SLC12A5: variants seen among roughly 807,000 people sequenced by gnomAD.
SLC12A5 encodes the protein K-Cl cotransporter 2.
A neutral mutation model predicts 124.0 loss-of-function variants in SLC12A5; 18 were observed. That is an observed-to-expected ratio of 0.15 (90% CI 0.10 to 0.22). The LOEUF is 0.22. SLC12A5 is among the 10% of genes least tolerant of loss of function. The probability of loss-of-function intolerance (pLI) is 1.00; values close to 1 mark genes in which losing one functional copy is unlikely to be tolerated. For missense variants in SLC12A5, 867 were observed against 1,478.7 expected (o/e 0.59, Z 6.78); for synonymous variants, 589 against 568.0 (o/e 1.04, Z -0.53).
In SLC12A5 at chr20:46,043,966, G is replaced by T. The variant is rs181152183; in HGVS notation, c.1394+33G>T. The T allele has an allele frequency of 5.7e-5, 88 of 1,556,840 alleles. No homozygotes were observed. In the African/African-American group the frequency reaches 1.0e-3, roughly 18 times the overall value. ...AATTGGGGTTGATCCTATTCTGGGG[G>T]AGGGGTGGGTATAGAAGGCTGAGTT... On this transcript the variant is annotated intron_variant, in intron 11 of 25. Transcript: ENST00000243964.
intron 1 of SLC12A5, chr20:46,022,156 A>T (rs1357311078): frequency 8.5e-4 from 154 of 180,740 alleles, no homozygotes; most frequent in East Asian, 2.1e-3. Flanking sequence ...ACGGAGGCGA[A>T]GGGGGCGGGT....
At chr20:46,030,723 C>T (rs534361739) in intron 1 of SLC12A5, among the ~76,000 whole-genome samples, 128 of 152,264 alleles carry the variant, frequency 8.4e-4, no homozygotes, top group Admixed American at 3.9e-3. Flanking sequence ...CTCTGAGGTC[C>T]TCCGGATCCT....
At chr20:46,037,146 C>T (rs6094244) in intron 5 of SLC12A5, 109 bp from the exon 6 acceptor site, 1 of 1,452,572 alleles carries the variant, frequency 6.9e-7, no homozygotes, top group South Asian at 1.4e-5. Flanking sequence ...GCCCATAAGC[C>T]TGTGAGGCCT....
At position 46,045,741 on chromosome 20, in the gene SLC12A5, G is replaced by A. The variant is rs543625461; in HGVS notation, c.1570-137G>A. ...TGTTATCCATTTGCATTCTCCTGGA[G>A]GAAGAGAAATGCATCCTCTCCCTTC... On this transcript the variant is annotated intron_variant, in intron 12 of 25. Coordinates refer to ENST00000243964, the MANE Select transcript of SLC12A5 (RefSeq NM_020708.5). This position sits in a 1 kb window ranked among gnomAD's most constrained non-coding sequence, Gnocchi z 4.9. 1.5e-6 allele frequency: 1 copy of A among 674,344 alleles called. No homozygotes were observed. Among genetic ancestry groups the A allele is most frequent in the East Asian group, 2.7e-5 (1 of 37,096 alleles). The allele number at this position is 674,344 out of a possible 1,614,324, so 41.8% of individuals were successfully genotyped here.
At chr20:46,030,012 C>T (rs2084434697) in intron 1 of SLC12A5, among the ~76,000 whole-genome samples, 1 of 151,850 alleles carries the variant, frequency 6.6e-6, no homozygotes, top group African/African-American at 2.4e-5. Flanking sequence ...CAGATTGTCC[C>T]CTTGGTGCAA....
upstream of SLC12A5, among the ~76,000 whole-genome samples, chr20:46,025,003 G>T (rs2084385454): frequency 6.6e-6 from 1 of 152,180 alleles, no homozygotes; most frequent in South Asian, 2.1e-4. Context: ...AACTTATGCT[G>T]GGAGGATGGA....
intron 6 of SLC12A5, among the ~76,000 whole-genome samples, chr20:46,039,555 A>C (rs1446910002): frequency 6.6e-6 from 1 of 152,158 alleles, no homozygotes; most frequent in Non-Finnish European, 1.5e-5. Context: ...CAGTTGGATC[A>C]CCTGAGGTCA....
chr20:46,041,273 G>T, intron 7 of SLC12A5, 56 bp from the exon 8 acceptor site: 2 of 1,515,684 alleles, frequency 1.3e-6, no homozygotes, highest in Non-Finnish European at 1.8e-6. Context: ...GCTGTATTGT[G>T]CAGCGAGGGC....
intron 1 of SLC12A5, chr20:46,022,618 C>T: frequency 2.6e-6 from 1 of 388,100 alleles, no homozygotes; most frequent in Non-Finnish European, 4.5e-6. Flanking sequence ...AGGGAGGATG[C>T]CGTAGGGTCG....
chr20:46,035,649 A>G (rs1289540172), intron 3 of SLC12A5, 114 bp downstream of exon 3: 1 of 1,506,056 alleles, frequency 6.6e-7, no homozygotes, highest in South Asian at 1.3e-5. Flanking sequence ...CAAATCAGAA[A>G]GAAGAGGGAT....
At chr20:46,046,315 C>G (rs757657724) in intron 13 of SLC12A5, 23 bp from the exon 14 acceptor site, 1 of 1,607,586 alleles carries the variant, frequency 6.2e-7, no homozygotes, top group South Asian at 1.1e-5. Context: ...CTCTGTCTCC[C>G]CTGGGGCCTT....
chr20:46,024,141 CTGTGTG>C (rs3222615), downstream of SLC12A5, among the ~76,000 whole-genome samples: 6,204 of 147,718 alleles, frequency 0.042, 174 homozygotes, highest in Non-Finnish European at 0.067. Context: ...GTGGCAGAGG[CTGTGTG>C]TGTGTGTGTG....
At chr20:46,052,932 T>C (rs747948787) in intron 18 of SLC12A5, 25 bp from the exon 19 acceptor site, 1 of 1,591,296 alleles carries the variant, frequency 6.3e-7, no homozygotes, top group South Asian at 1.1e-5. Flanking sequence ...TTTCCCCCTC[T>C]GGCCCTCTCC....
chr20:46,023,295 GACCTT>G (rs1444365144), intron 2 of SLC12A5: 2 of 398,352 alleles, frequency 5.0e-6, no homozygotes, highest in Non-Finnish European at 8.8e-6. Context: ...TTTCATGAAT[GACCTT>G]ACCAGCCTCC....
chr20:46,033,903 A>G (rs958470845), intron 1 of SLC12A5, among the ~76,000 whole-genome samples: 5 of 151,734 alleles, frequency 3.3e-5, no homozygotes, highest in African/African-American at 1.2e-4. Context: ...TGTTTTCTTC[A>G]CCTAAAAGCC....
Position 46,035,376 on chromosome 20 carries a change from T to A in SLC12A5, c.148-28T>A, listed in dbSNP as rs758223033. ...GCTCACTCCACTTGCTCCCCCAGCCTCCTAGCACTGACACCCTCCCTCCAT... is the reference window on the plus strand; with the variant it reads ...GCTCACTCCACTTGCTCCCCCAGCCACCTAGCACTGACACCCTCCCTCCAT... On this transcript the variant is annotated intron_variant, in intron 2 of 25. Coordinates refer to ENST00000243964, the MANE Select transcript of SLC12A5 (RefSeq NM_020708.5). 5 of 1,603,222 alleles carry A rather than the reference T, an allele frequency of 3.1e-6. No homozygotes were observed. The South Asian group carries it at 5.5e-5, about 18-fold the overall frequency.
rs552617329 is a variant in SLC12A5, at chr20:46,057,860, C to T, written c.*255C>T. On this transcript the variant is annotated 3_prime_UTR_variant, in exon 26 of 26. Transcript: ENST00000243964. The surrounding 1 kb of genome is among the most constrained non-coding windows in gnomAD (Gnocchi z 7.1). ...GCTGCCCTTTTTCTAAGCCCGGCCT[C>T]GTCTCGCCGGAGGAGACGCTGCAAT... The T allele has an allele frequency of 5.0e-4, 220 of 440,918 alleles. 2 individuals are homozygous for T. The highest frequency in any genetic ancestry group is 1.4e-3 in the East Asian group (36 of 26,434). 27.3% of individuals were successfully genotyped at this position (440,918 alleles called of 1,614,324 possible).
intron 1 of SLC12A5, among the ~76,000 whole-genome samples, chr20:46,029,858 C>CTGTGTGTGTGTGTG (rs3080279): frequency 2.9e-4 from 38 of 132,996 alleles, no homozygotes; most frequent in African/African-American, 9.9e-4. Flanking sequence ...GAAGAGGTGG[C>CTGTGTGTGTGTGTG]TGTGTGTGTG....
chr20:46,046,086 C>T lies in SLC12A5; in HGVS notation c.1688+90C>T, dbSNP rs553582728. The T allele has an allele frequency of 6.4e-5, 80 of 1,246,362 alleles. No individual in the cohort carries two copies. In the South Asian group the frequency reaches 9.7e-4, roughly 15 times the overall value. The allele number at this position is 1,246,362 out of a possible 1,614,324, so 77.2% of individuals were successfully genotyped here. On this transcript the variant is annotated intron_variant, in intron 13 of 25. Coordinates refer to ENST00000243964, the MANE Select transcript of SLC12A5 (RefSeq NM_020708.5). ...CGTTACCTGTGACAACCCACCCAGA[C>T]ACTTTAGCAACCCCAGGAAGTTCCC...
Sources: allele counts gnomAD v4.1 joint callset (sites outside exome capture counted in the v4.1 genomes callset), GRCh38; gene constraint gnomAD v4.1.1; non-coding constraint Gnocchi (gnomAD v3.1); transcripts MANE v1.5; gene names NCBI Gene and HGNC (gene_info 2026-07-23, HGNC 2026-07-21).